The following KIF11 variants were observed in gnomAD, a reference collection of about 807,000 sequenced individuals.
KIF11 encodes the protein kinesin family member 11.
A neutral mutation model predicts 121.0 loss-of-function variants in KIF11; 9 were observed. The observed-to-expected ratio is 0.07, with a 90% CI of 0.04 to 0.13. KIF11 has a LOEUF of 0.13. KIF11 is among the 10% of genes least tolerant of loss of function. The pLI, the probability that KIF11 is intolerant of heterozygous loss-of-function variation, is 1.00. For synonymous variants in KIF11, 408 were observed against 421.0 expected, an observed-to-expected ratio of 0.97 and a Z score of 0.38; for missense variants, 846 against 1,217.5, an observed-to-expected ratio of 0.69 and a Z score of 4.54.
chr10:92,653,585 G>T lies in KIF11; in HGVS notation c.3040-80G>T. 3.7e-6 allele frequency: 5 copies of T among 1,360,056 alleles called. No homozygotes were observed. The South Asian group carries it at 7.4e-5, about 20-fold the overall frequency. 84.2% of individuals were successfully genotyped at this position (1,360,056 alleles called of 1,614,324 possible). A position where few individuals can be genotyped will look rare whatever the true frequency, so the allele number is the denominator to read the frequency against. On this transcript the variant is annotated intron_variant, in intron 21 of 21. Transcript: ENST00000260731. The stretch of plus-strand genomic sequence containing the variant: ...TAAGTTTTTTTGCCTATAACCCAGA[G>T]AACTTTGAAAATAGAGTGTAGTTAA...
At chr10:92,601,709 T>TC (rs1491353775) in intron 1 of KIF11, among the ~76,000 whole-genome samples, 2 of 98,312 alleles carry the variant, frequency 2.0e-5, no homozygotes, top group Non-Finnish European at 3.5e-5. Context: ...AAAAAAATAA[T>TC]TTTTTTTTTT....
At chr10:92,612,518 C>A (rs1844508711) in intron 6 of KIF11, among the ~76,000 whole-genome samples, 1 of 152,154 alleles carries the variant, frequency 6.6e-6, no homozygotes, top group Admixed American at 6.5e-5. Flanking sequence ...TTTTAGTAAT[C>A]ATGCTGTTTA....
At chr10:92,630,867 C>CAAAAAAA (rs58123701) in intron 12 of KIF11, among the ~76,000 whole-genome samples, 3 of 99,972 alleles carry the variant, frequency 3.0e-5, no homozygotes, top group Admixed American at 1.2e-4. Flanking sequence ...AACTCCGTCT[C>CAAAAAAA]AAAAAAAAAA....
chr10:92,651,271 A>G (rs958244865), intron 21 of KIF11, among the ~76,000 whole-genome samples: 4 of 150,086 alleles, frequency 2.7e-5, no homozygotes, highest in Non-Finnish European at 5.9e-5. Context: ...CAAGTTATCT[A>G]CCCTCCTCGG....
intron 3 of KIF11, among the ~76,000 whole-genome samples, chr10:92,606,934 T>G (rs1458235987): frequency 6.6e-6 from 1 of 152,096 alleles, no homozygotes; most frequent in Non-Finnish European, 1.5e-5. Flanking sequence ...CCTGCCACCA[T>G]GCCCGCTAAT....
At chr10:92,650,034 T>C (rs1564718565) in intron 20 of KIF11, 48 bp downstream of exon 20, 2 of 1,423,514 alleles carry the variant, frequency 1.4e-6, no homozygotes, top group East Asian at 2.4e-5. Flanking sequence ...TTATGAACTC[T>C]TGATGTGGCT....
chr10:92,601,823 T>A (rs1190456225), intron 1 of KIF11, among the ~76,000 whole-genome samples: 1 of 152,110 alleles, frequency 6.6e-6, no homozygotes, highest in Non-Finnish European at 1.5e-5. Context: ...ATTACAGGCA[T>A]GAACCACTGT....
chr10:92,598,817 G>T (rs1050273030), intron 1 of KIF11, among the ~76,000 whole-genome samples: 1 of 151,886 alleles, frequency 6.6e-6, no homozygotes, highest in African/African-American at 2.4e-5. Flanking sequence ...CGCTCTTGTT[G>T]TCCAGGCTGG....
At chr10:92,629,467 A>C (rs1455688220) in intron 11 of KIF11, among the ~76,000 whole-genome samples, 4 of 152,214 alleles carry the variant, frequency 2.6e-5, no homozygotes, top group African/African-American at 9.7e-5. Flanking sequence ...AAAATAGTGA[A>C]TGCTGAAGCA....
intron 17 of KIF11, among the ~76,000 whole-genome samples, chr10:92,641,115 C>CAT (rs2135921267): frequency 6.6e-6 from 1 of 152,294 alleles, no homozygotes; most frequent in African/African-American, 2.4e-5. Flanking sequence ...ACATACACTA[C>CAT]AGTCAGACCT....
intron 1 of KIF11, among the ~76,000 whole-genome samples, chr10:92,596,551 T>TTC (rs1554858455): frequency 7.5e-6 from 1 of 133,092 alleles, no homozygotes; most frequent in African/African-American, 2.5e-5. Flanking sequence ...TTTTTTTTTT[T>TTC]CAAGTAGCCA....
chr10:92,626,969 A>G (rs1282852638), intron 10 of KIF11, among the ~76,000 whole-genome samples: 8 of 152,094 alleles, frequency 5.3e-5, no homozygotes, highest in Non-Finnish European at 1.0e-4. Flanking sequence ...TCACCATGTT[A>G]GCCAGGATGG....
At chr10:92,632,802 A>C in intron 13 of KIF11, 109 bp downstream of exon 13, 1 of 571,384 alleles carries the variant, frequency 1.8e-6, no homozygotes, top group Non-Finnish European at 3.0e-6. Flanking sequence ...ACTCTCTACC[A>C]TGCACAAACT....
Position 92,654,318 on chromosome 10 carries a change from A to G in KIF11, c.*522A>G, listed in dbSNP as rs1845021683. 6.6e-6 allele frequency: 1 copy of G among 152,348 alleles called. No individual in the cohort carries two copies. The highest frequency in any genetic ancestry group is 2.1e-4 in the South Asian group (1 of 4,840). The allele number at this position is 152,348 out of a possible 1,614,324, so 9.4% of individuals were successfully genotyped here. On this transcript the variant is annotated 3_prime_UTR_variant, in exon 22 of 22. Transcript: ENST00000260731. ...ATTTGCAATGTAAATACGTATTTCT[A>G]GTTTTCATATAAAGTAGTTCTTTTA... is the stretch of plus-strand genomic sequence containing the variant.
At chr10:92,594,466 T>C (rs780468683) in intron 1 of KIF11, among the ~76,000 whole-genome samples, 4 of 152,196 alleles carry the variant, frequency 2.6e-5, no homozygotes, top group Non-Finnish European at 4.4e-5. Context: ...TAGTTAGTTG[T>C]TTGAAGATTT....
chr10:92,639,528 A>C (rs1003369741), intron 16 of KIF11, among the ~76,000 whole-genome samples: 3 of 152,086 alleles, frequency 2.0e-5, no homozygotes, highest in Non-Finnish European at 2.9e-5. Flanking sequence ...AGGAGGTTGA[A>C]GCTGCAGTGA....
intron 10 of KIF11, 127 bp from the exon 11 acceptor site, chr10:92,628,663 AGGTATCAAGTGACACTTG>A (rs1250913188): frequency 2.8e-5 from 13 of 459,490 alleles, no homozygotes; most frequent in Non-Finnish European, 4.4e-5. Context: ...TTATTGACAC[AGGTATCAAGTGACACTTG>A]GGTATCAAGT....
Position 92,593,416 on chromosome 10 carries a change from A to C in KIF11, c.41A>C (p.Glu14Ala), listed in dbSNP as rs1200677717. 4 of 1,611,094 alleles carry C rather than the reference A, an allele frequency of 2.5e-6. No homozygotes were observed. In the African/African-American group the frequency reaches 5.3e-5, roughly 22 times the overall value. Residue 14 changes from glutamate (E) to alanine (A), a missense_variant, in exon 1 of 22, where the codon GAG becomes GCG. Physicochemically the swap from Glu to Ala is moderately radical, Grantham distance 107. Transcript: ENST00000260731. Reference sequence around the variant, plus strand: ...AATTCGTCTGCGAAGAAGAAAGAGGAGAAGGGGAAGAACATCCAGGTGGTG... The same window carrying C: ...AATTCGTCTGCGAAGAAGAAAGAGGCGAAGGGGAAGAACATCCAGGTGGTG... ...QPNSSAKKKE[E>A]KGKNIQVVVR...
intron 17 of KIF11, among the ~76,000 whole-genome samples, chr10:92,644,848 A>C (rs1844902587): frequency 6.6e-6 from 1 of 152,176 alleles, no homozygotes; most frequent in South Asian, 2.1e-4. Context: ...TATTATATCA[A>C]GTTTATGTTA....
Sources: allele counts gnomAD v4.1 joint callset (sites outside exome capture counted in the v4.1 genomes callset), GRCh38; gene constraint gnomAD v4.1.1; transcripts MANE v1.5; gene names NCBI Gene and HGNC (gene_info 2026-07-23, HGNC 2026-07-21).